The following ZHX3 variants were observed in gnomAD, a reference collection of about 807,000 sequenced individuals.
ZHX3 encodes the protein zinc fingers and homeoboxes 3.
Under a neutral mutation model 64.5 loss-of-function variants are expected in ZHX3, and 20 were observed. The observed-to-expected ratio is 0.31, with a 90% CI of 0.22 to 0.45. The LOEUF is 0.45. Ranked by LOEUF, ZHX3 falls within the 20% of genes least tolerant of loss-of-function variation. The pLI, the probability that ZHX3 is intolerant of heterozygous loss-of-function variation, is 1.00. For synonymous variants in ZHX3, 423 were observed against 461.6 expected (o/e 0.92, Z 1.07); for missense variants, 1,041 against 1,195.8 (o/e 0.87, Z 1.91).
At chr20:41,240,101 A>C (rs375488660) in intron 2 of ZHX3, among the ~76,000 whole-genome samples, 75 of 152,104 alleles carry the variant, frequency 4.9e-4, no homozygotes, top group East Asian at 4.8e-3. Flanking sequence ...GGTTTAAGCG[A>C]TTCTCCTGCC....
rs148892053 is a variant in ZHX3, at chr20:41,311,088, G to A, written c.-245+6421C>T. 7.1e-3 allele frequency among the ~76,000 whole-genome samples: 1,080 copies of A among 152,210 alleles called. 8 individuals carry two copies. Among genetic ancestry groups the A allele is most frequent in the Non-Finnish European group, 9.1e-3 (621 of 68,012 alleles). ...CTCCCAAAGTGCTGGGATTACAGGC[G>A]TGAGCCACCGTGCCCGGCCAATTCT... is the stretch of plus-strand genomic sequence containing the variant. On this transcript the variant is annotated intron_variant, in intron 1 of 3. Transcript: ENST00000683867.
intron 1 of ZHX3, among the ~76,000 whole-genome samples, chr20:41,296,628 T>C (rs2044543842): frequency 1.3e-5 from 2 of 152,200 alleles, no homozygotes; most frequent in Admixed American, 6.5e-5. Context: ...AGTCTACTAT[T>C]TCCCAGATGC....
In ZHX3 at chr20:41,228,524, T is replaced by A. The variant is rs1164888381; in HGVS notation, c.-150-23458A>T. Among the ~76,000 whole-genome samples, 1 of 152,192 alleles carries A rather than the reference T, an allele frequency of 6.6e-6. No individual in the cohort carries two copies. Among genetic ancestry groups the A allele is most frequent in the East Asian group, 1.9e-4 (1 of 5,204 alleles). ...AAGATGAAGGTGCTGGCATATTCAG[T>A]GTCTGGTGAGGGCCTACTTCCTCAT... On this transcript the variant is annotated intron_variant, in intron 2 of 3. Transcript: ENST00000683867. The surrounding 1 kb of genome is among the most constrained non-coding windows in gnomAD (Gnocchi z 4.6).
chr20:41,285,562 T>C lies in ZHX3; in HGVS notation c.-244-16479A>G, dbSNP rs192114220. 2.8e-3 allele frequency among the ~76,000 whole-genome samples: 429 copies of C among 152,366 alleles called. 4 individuals are homozygous for C. Among genetic ancestry groups the C allele is most frequent in the Middle Eastern group, 0.01 (3 of 294 alleles). ...TAATAGTAAATGCAGCAAGGCATCA[T>C]TGTCAAATTATTTTCAAGAGAAGTC... On this transcript the variant is annotated intron_variant, in intron 1 of 3. Coordinates refer to ENST00000683867, the MANE Select transcript of ZHX3 (RefSeq NM_001384317.1).
In ZHX3 at chr20:41,232,237, G is replaced by GGTCTCCA. The variant is rs1253431563; in HGVS notation, c.-150-27178_-150-27172dup. ...ATTACACAGAGAATGATGACCAGAT[G>GGTCTCCA]GTCTCCATTTTCACCAGAGAAAGAA... On this transcript the variant is annotated intron_variant, in intron 2 of 3. Coordinates refer to ENST00000683867, the MANE Select transcript of ZHX3 (RefSeq NM_001384317.1). This position sits in a 1 kb window ranked among gnomAD's most constrained non-coding sequence, Gnocchi z 5.0. Among the ~76,000 whole-genome samples, 3 of 151,776 alleles carry GGTCTCCA rather than the reference G, an allele frequency of 2.0e-5. No homozygotes were observed. Among genetic ancestry groups the GGTCTCCA allele is most frequent in the Non-Finnish European group, 4.4e-5 (3 of 68,016 alleles).
intron 2 of ZHX3, among the ~76,000 whole-genome samples, chr20:41,220,678 T>C (rs1334750330): frequency 6.6e-6 from 1 of 151,984 alleles, no homozygotes; most frequent in African/African-American, 2.4e-5. Context: ...TTTGGTTTTT[T>C]TTGTTTTGTT....
chr20:41,295,247 T>C (rs1243549332), intron 1 of ZHX3, among the ~76,000 whole-genome samples: 3 of 152,002 alleles, frequency 2.0e-5, no homozygotes, highest in Non-Finnish European at 2.9e-5. Flanking sequence ...AAATAATACA[T>C]AAAACACTTC....
chr20:41,277,655 G>A (rs971940511), intron 1 of ZHX3, among the ~76,000 whole-genome samples: 6 of 150,850 alleles, frequency 4.0e-5, no homozygotes, highest in South Asian at 2.1e-4. Flanking sequence ...GCAGTGGTGT[G>A]ATCTCCGCTC....
rs530080734 is a variant in ZHX3, at chr20:41,219,120, G to A, written c.-150-14054C>T. Reference sequence around the variant, plus strand: ...AATTTTTTGTATTTTTATTAGAGACGGGTTTTCACCGTGTTAGCGAGCATG... The same window carrying A: ...AATTTTTTGTATTTTTATTAGAGACAGGTTTTCACCGTGTTAGCGAGCATG... On this transcript the variant is annotated intron_variant, in intron 2 of 3. Coordinates refer to ENST00000683867, the MANE Select transcript of ZHX3 (RefSeq NM_001384317.1). The surrounding 1 kb of genome is among the most constrained non-coding windows in gnomAD (Gnocchi z 5.0). 4.5e-4 allele frequency among the ~76,000 whole-genome samples: 69 copies of A among 151,818 alleles called. 1 individual carries two copies. The South Asian group carries it at 0.012, about 27-fold the overall frequency.
chr20:41,285,803 C>T (rs919841108), intron 1 of ZHX3, among the ~76,000 whole-genome samples: 7 of 152,178 alleles, frequency 4.6e-5, no homozygotes, highest in African/African-American at 1.4e-4. Context: ...ACTCAACTTT[C>T]ATAGCATCAG....
At chr20:41,286,109 G>A (rs981559663) in intron 1 of ZHX3, among the ~76,000 whole-genome samples, 10 of 152,038 alleles carry the variant, frequency 6.6e-5, no homozygotes, top group Admixed American at 2.0e-4. Flanking sequence ...TAGAAAGCAC[G>A]CTTACTCATT....
intron 2 of ZHX3, among the ~76,000 whole-genome samples, chr20:41,251,492 T>C (rs899485092): frequency 6.6e-6 from 1 of 152,078 alleles, no homozygotes; most frequent in Admixed American, 6.5e-5. Flanking sequence ...CCTCTCAAAA[T>C]GTTCAAGTAA....
At chr20:41,270,934 T>C (rs2043114545) in intron 1 of ZHX3, among the ~76,000 whole-genome samples, 1 of 152,198 alleles carries the variant, frequency 6.6e-6, no homozygotes, top group Non-Finnish European at 1.5e-5. Flanking sequence ...AAATTATCCT[T>C]TGGGAGGCTG....
chr20:41,187,320 T>C (rs977782872), intron 3 of ZHX3, among the ~76,000 whole-genome samples: 1 of 59,688 alleles, frequency 1.7e-5, no homozygotes, highest in Admixed American at 2.1e-4. Context: ...CAAGAACCTG[T>C]CTCAAAAAAA....
intron 2 of ZHX3, among the ~76,000 whole-genome samples, chr20:41,255,549 A>G (rs768058133): frequency 4.6e-5 from 7 of 152,166 alleles, no homozygotes; most frequent in Non-Finnish European, 8.8e-5. Context: ...TCTAAGAAAT[A>G]AATACTACTC....
chr20:41,199,959 A>G (rs977001037), intron 3 of ZHX3, among the ~76,000 whole-genome samples: 8 of 152,274 alleles, frequency 5.3e-5, no homozygotes, highest in African/African-American at 1.9e-4. Flanking sequence ...TCAGCCTCCC[A>G]AAGTGCTGGG....
intron 1 of ZHX3, among the ~76,000 whole-genome samples, chr20:41,270,066 G>A (rs2043054055): frequency 6.6e-6 from 1 of 152,140 alleles, no homozygotes; most frequent in Admixed American, 6.5e-5. Flanking sequence ...ACCCAGATAA[G>A]GAAACTTGTT....
At chr20:41,218,577 T>C (rs1200170882) in intron 2 of ZHX3, among the ~76,000 whole-genome samples, 1 of 152,228 alleles carries the variant, frequency 6.6e-6, no homozygotes, top group Non-Finnish European at 1.5e-5. Flanking sequence ...TAGAGAACTC[T>C]TTTAACATGA....
At chr20:41,256,810 A>G (rs540113472) in intron 2 of ZHX3, among the ~76,000 whole-genome samples, 67 of 151,896 alleles carry the variant, frequency 4.4e-4, no homozygotes, top group African/African-American at 1.5e-3. Flanking sequence ...AACATGTTAT[A>G]AAACCCTTAG....
Sources: gnomAD v4.1 joint callset for allele counts (sites outside exome capture counted in the v4.1 genomes callset) on GRCh38, gnomAD v4.1.1 for gene constraint, Gnocchi (gnomAD v3.1) non-coding constraint, MANE v1.5 for transcripts, NCBI Gene and HGNC (gene_info 2026-07-23, HGNC 2026-07-21) for gene names.